INPP4B: variants seen among roughly 807,000 people sequenced by gnomAD.
The protein encoded by INPP4B is inositol polyphosphate-4-phosphatase type II B, also known as inositol polyphosphate 4-phosphatase type II.
INPP4B carries 55 observed loss-of-function variants against 122.5 expected under a neutral mutation model. That is an observed-to-expected ratio of 0.45 (90% CI 0.36 to 0.56). INPP4B has a LOEUF of 0.56. Ranked by LOEUF, INPP4B falls within the 20% of genes least tolerant of loss-of-function variation. The pLI is 0.00. For missense variants in INPP4B, 1,000 were observed against 1,097.7 expected, an observed-to-expected ratio of 0.91 and a Z score of 1.26; for synonymous variants, 403 against 388.7, an observed-to-expected ratio of 1.04 and a Z score of -0.43.
At chr4:142,806,844 A>G (rs925858497) in intron 1 of INPP4B, among the ~76,000 whole-genome samples, 9 of 151,060 alleles carry the variant, frequency 6.0e-5, no homozygotes, top group African/African-American at 2.2e-4. Flanking sequence ...AGAAAGAAAG[A>G]AAGAAAGGAG....
At chr4:142,252,285 T>A (rs917369949) in intron 11 of INPP4B, among the ~76,000 whole-genome samples, 3 of 149,728 alleles carry the variant, frequency 2.0e-5, no homozygotes, top group Non-Finnish European at 4.4e-5. Context: ...GCCTCCCGGG[T>A]TCACGCCATT....
intron 1 of INPP4B, among the ~76,000 whole-genome samples, chr4:142,757,710 A>G (rs1007485234): frequency 7.1e-6 from 1 of 140,788 alleles, no homozygotes; most frequent in Non-Finnish European, 1.5e-5. Context: ...GTTGCTTCCA[A>G]ATTTGGGCAA....
At chr4:142,118,384 C>G (rs1794828088) in intron 21 of INPP4B, among the ~76,000 whole-genome samples, 1 of 152,076 alleles carries the variant, frequency 6.6e-6, no homozygotes, top group African/African-American at 2.4e-5. Flanking sequence ...TGCTATCTGA[C>G]TTCAAACTAT....
intron 3 of INPP4B, among the ~76,000 whole-genome samples, chr4:142,433,712 G>T (rs571300795): frequency 1.3e-5 from 2 of 152,268 alleles, no homozygotes; most frequent in Non-Finnish European, 2.9e-5. Context: ...GTACAGCACT[G>T]TTCACTCACC....
intron 12 of INPP4B, among the ~76,000 whole-genome samples, chr4:142,221,876 G>A (rs1849535359): frequency 6.6e-6 from 1 of 152,190 alleles, no homozygotes; most frequent in South Asian, 2.1e-4. Flanking sequence ...TATGGTATGG[G>A]ATAGTTCAGT....
chr4:142,249,947 T>C (rs1222477968), intron 11 of INPP4B, among the ~76,000 whole-genome samples: 19 of 152,224 alleles, frequency 1.2e-4, no homozygotes. Context: ...TAAAGTTTTC[T>C]TAGTACTATT....
chr4:142,288,931 A>G (rs552027771), intron 9 of INPP4B, among the ~76,000 whole-genome samples: 17 of 152,304 alleles, frequency 1.1e-4, no homozygotes, highest in Admixed American at 5.9e-4. Context: ...GAAGGATTCA[A>G]GTATATTATT....
intron 1 of INPP4B, among the ~76,000 whole-genome samples, chr4:142,818,581 T>C (rs1292313769): frequency 6.6e-6 from 1 of 152,118 alleles, no homozygotes; most frequent in East Asian, 1.9e-4. Context: ...ATTGACAATA[T>C]AGAAAGGAAA....
intron 25 of INPP4B, among the ~76,000 whole-genome samples, chr4:142,061,384 A>T (rs970572776): frequency 9.9e-5 from 15 of 152,214 alleles, no homozygotes; most frequent in African/African-American, 3.6e-4. Flanking sequence ...TAGCAAAAAA[A>T]GTTACAAGTA....
At chr4:142,232,537 G>T (rs924084955) in intron 12 of INPP4B, among the ~76,000 whole-genome samples, 6 of 151,866 alleles carry the variant, frequency 4.0e-5, no homozygotes, top group Non-Finnish European at 8.8e-5. Context: ...TGTTCCAACT[G>T]ATCAGACATT....
chr4:142,826,887 T>C lies in INPP4B; in HGVS notation c.-254+19322A>G, dbSNP rs114124375. Among the ~76,000 whole-genome samples, 611 of 152,352 alleles carry C rather than the reference T, an allele frequency of 4.0e-3. 3 individuals are homozygous for C. The highest frequency in any genetic ancestry group is 0.014 in the Middle Eastern group (4 of 294). ...AGCTCTTGGAAGCTTGTCGCTGTTG[T>C]TGAAATAGCTTTTCCTGTGTAGCTA... On this transcript the variant is annotated intron_variant, in intron 1 of 25. Coordinates refer to ENST00000262992, the MANE Select transcript of INPP4B (RefSeq NM_001101669.3).
At chr4:142,206,357 T>C (rs78437679) in intron 14 of INPP4B, among the ~76,000 whole-genome samples, 19 of 6,226 alleles carry the variant, frequency 3.1e-3, no homozygotes, top group East Asian at 0.022. Context: ...CTCTCTCTCT[T>C]TTTTTTTTTT....
chr4:142,614,778 C>T (rs1348816994), intron 2 of INPP4B, among the ~76,000 whole-genome samples: 1 of 151,970 alleles, frequency 6.6e-6, no homozygotes, highest in East Asian at 1.9e-4. Context: ...AACCTATAAA[C>T]ATATGGGAAA....
intron 2 of INPP4B, among the ~76,000 whole-genome samples, chr4:142,494,759 G>T: frequency 6.6e-6 from 1 of 151,684 alleles, no homozygotes. Context: ...AAATTTTATT[G>T]TTAGTCCCAC....
intron 25 of INPP4B, among the ~76,000 whole-genome samples, chr4:142,059,112 G>A (rs985406403): frequency 4.6e-5 from 7 of 152,116 alleles, no homozygotes; most frequent in Admixed American, 2.0e-4. Context: ...AACATAACTT[G>A]ATAAAGTAAT....
chr4:142,038,423 C>G (rs1004846755), intron 25 of INPP4B, among the ~76,000 whole-genome samples: 1 of 152,168 alleles, frequency 6.6e-6, no homozygotes, highest in African/African-American at 2.4e-5. Flanking sequence ...AGTGTCACTG[C>G]TTTGAACATC....
intron 2 of INPP4B, among the ~76,000 whole-genome samples, chr4:142,645,949 A>G (rs1165623651): frequency 1.3e-5 from 2 of 152,232 alleles, no homozygotes; most frequent in East Asian, 3.9e-4. Context: ...TAATGAAAAT[A>G]CAGAGACCTG....
At chr4:142,621,392 C>A (rs1430917295) in intron 2 of INPP4B, among the ~76,000 whole-genome samples, 1 of 151,896 alleles carries the variant, frequency 6.6e-6, no homozygotes, top group Non-Finnish European at 1.5e-5. Flanking sequence ...ATGATTACAA[C>A]CACACACCAC....
intron 7 of INPP4B, among the ~76,000 whole-genome samples, chr4:142,379,638 C>A (rs1793324430): frequency 6.6e-6 from 1 of 152,190 alleles, no homozygotes; most frequent in Admixed American, 6.5e-5. Flanking sequence ...TAAAACCTTA[C>A]AGTAATTAAA....
Sources: gnomAD v4.1 joint callset for allele counts (sites outside exome capture counted in the v4.1 genomes callset) on GRCh38, gnomAD v4.1.1 for gene constraint, MANE v1.5 for transcripts, NCBI Gene and HGNC (gene_info 2026-07-23, HGNC 2026-07-21) for gene names.